Variants in RCAN2 observed in about 807,000 individuals in gnomAD.
The protein encoded by RCAN2 is calcipressin-2.
Under a neutral mutation model 23.6 loss-of-function variants are expected in RCAN2, and 9 were observed. The observed-to-expected ratio is 0.38, with a 90% CI of 0.23 to 0.67. The LOEUF is 0.67. Among genes scored for constraint, RCAN2 ranks in the 30% least tolerant of loss-of-function variants. The pLI is 0.51. For synonymous variants in RCAN2, 109 were observed against 115.7 expected, an observed-to-expected ratio of 0.94 and a Z score of 0.37; for missense variants, 273 against 302.3, an observed-to-expected ratio of 0.90 and a Z score of 0.72.
At chr6:46,253,453 G>A (rs1766800403) in intron 2 of RCAN2, among the ~76,000 whole-genome samples, 1 of 152,132 alleles carries the variant, frequency 6.6e-6, no homozygotes, top group Non-Finnish European at 1.5e-5. Context: ...AGTACCAAGG[G>A]CAGCTTAGGA....
chr6:46,403,285 T>C (rs1289157238), intron 2 of RCAN2, among the ~76,000 whole-genome samples: 1 of 151,120 alleles, frequency 6.6e-6, no homozygotes, highest in South Asian at 2.1e-4. Flanking sequence ...TTTTAAAAAA[T>C]TCTGTGGCTG....
intron 2 of RCAN2, among the ~76,000 whole-genome samples, chr6:46,347,548 C>G (rs9296491): frequency 6.6e-6 from 1 of 151,996 alleles, no homozygotes; most frequent in Non-Finnish European, 1.5e-5. Flanking sequence ...TAATCTTAAT[C>G]TCAACCAAAA....
chr6:46,250,772 A>G (rs1324327047), intron 2 of RCAN2, among the ~76,000 whole-genome samples: 1 of 152,206 alleles, frequency 6.6e-6, no homozygotes, highest in Non-Finnish European at 1.5e-5. Context: ...ATCTAAGAGA[A>G]TCAACATAGT....
chr6:46,319,048 G>A (rs1274191203), intron 2 of RCAN2, among the ~76,000 whole-genome samples: 6 of 152,112 alleles, frequency 3.9e-5, no homozygotes, highest in Non-Finnish European at 8.8e-5. Context: ...TTAGCATTGG[G>A]AAAGGATACA....
intron 2 of RCAN2, among the ~76,000 whole-genome samples, chr6:46,312,974 G>A (rs1242543398): frequency 6.6e-6 from 1 of 152,172 alleles, no homozygotes; most frequent in East Asian, 1.9e-4. Context: ...ACCCAATCCT[G>A]TTAGACTTGC....
At chr6:46,312,784 C>T (rs1054740391) in intron 2 of RCAN2, among the ~76,000 whole-genome samples, 3 of 152,344 alleles carry the variant, frequency 2.0e-5, no homozygotes, top group African/African-American at 4.8e-5. Context: ...AAGCCCTCAT[C>T]GGGTCTGGCT....
At chr6:46,232,357 G>T (rs908047134) in intron 4 of RCAN2, among the ~76,000 whole-genome samples, 2 of 152,216 alleles carry the variant, frequency 1.3e-5, no homozygotes, top group African/African-American at 2.4e-5. Context: ...TGCAGACATT[G>T]CTAAGGAGAG....
chr6:46,397,060 G>A (rs957048654), intron 2 of RCAN2, among the ~76,000 whole-genome samples: 10 of 149,814 alleles, frequency 6.7e-5, no homozygotes, highest in African/African-American at 2.0e-4. Context: ...GCAGTGCGCC[G>A]AGATCACACC....
At chr6:46,344,866 A>C (rs1440486307) in intron 2 of RCAN2, among the ~76,000 whole-genome samples, 1 of 152,096 alleles carries the variant, frequency 6.6e-6, no homozygotes, top group Non-Finnish European at 1.5e-5. Context: ...CAATCACATT[A>C]ATAATTATTT....
chr6:46,423,066 T>A (rs1766927178), intron 2 of RCAN2, among the ~76,000 whole-genome samples: 1 of 152,102 alleles, frequency 6.6e-6, no homozygotes, highest in Non-Finnish European at 1.5e-5. Flanking sequence ...GAGGTCCAGG[T>A]GTTTCATTTG....
In RCAN2 at chr6:46,392,815, G is replaced by T. The variant is rs185579791; in HGVS notation, c.225+63937C>A. 2.0e-5 allele frequency among the ~76,000 whole-genome samples: 3 copies of T among 152,252 alleles called. No homozygotes were observed. In the East Asian group the frequency reaches 5.8e-4, roughly 29 times the overall value. ...TCCTTGGCCATCTTTTAGGACAGTT[G>T]TAGAAAATTGATGAATTGGAGCTAG... is the stretch of plus-strand genomic sequence containing the variant. On this transcript the variant is annotated intron_variant, in intron 2 of 4. Transcript: ENST00000371374.
chr6:46,389,828 G>A (rs1294266759), intron 2 of RCAN2, among the ~76,000 whole-genome samples: 1 of 152,128 alleles, frequency 6.6e-6, no homozygotes, highest in East Asian at 1.9e-4. Flanking sequence ...AGTTCTGATG[G>A]AACAATGTTT....
chr6:46,441,688 A>G (rs1767549630), intron 2 of RCAN2, among the ~76,000 whole-genome samples: 1 of 151,304 alleles, frequency 6.6e-6, no homozygotes, highest in African/African-American at 2.5e-5. Context: ...GTTTAAAATA[A>G]TAGTCAGGCT....
At chr6:46,365,482 AG>A (rs1765143876) in intron 2 of RCAN2, among the ~76,000 whole-genome samples, 1 of 136,552 alleles carries the variant, frequency 7.3e-6, no homozygotes, top group African/African-American at 3.1e-5. Flanking sequence ...ATCTCAAAAA[AG>A]AAAAGAAAAG....
intron 2 of RCAN2, among the ~76,000 whole-genome samples, chr6:46,440,864 T>C (rs1450581987): frequency 1.3e-5 from 2 of 152,078 alleles, no homozygotes; most frequent in Non-Finnish European, 1.5e-5. Context: ...ACAAGAAGTG[T>C]CCTAAAACAA....
At chr6:46,424,892 G>A (rs778474431) in intron 2 of RCAN2, among the ~76,000 whole-genome samples, 21 of 152,114 alleles carry the variant, frequency 1.4e-4, no homozygotes, top group African/African-American at 2.4e-4. Flanking sequence ...TATTGGGGGC[G>A]TGCTAGATAC....
intron 2 of RCAN2, among the ~76,000 whole-genome samples, chr6:46,276,045 A>C (rs1313190553): frequency 6.6e-6 from 1 of 152,096 alleles, no homozygotes; most frequent in Non-Finnish European, 1.5e-5. Flanking sequence ...ATCTCTACTA[A>C]AACTACAAAA....
At chr6:46,414,413 T>C (rs1011562113) in intron 2 of RCAN2, among the ~76,000 whole-genome samples, 2 of 152,222 alleles carry the variant, frequency 1.3e-5, no homozygotes, top group Non-Finnish European at 2.9e-5. Context: ...TCTTAGAAGT[T>C]GGGTCATTTG....
chr6:46,488,800 C>G (rs1341370737), intron 1 of RCAN2, among the ~76,000 whole-genome samples: 1 of 152,186 alleles, frequency 6.6e-6, no homozygotes, highest in Non-Finnish European at 1.5e-5. Flanking sequence ...GATCCTCCCC[C>G]TGAAATGGCT....
Sources: allele counts gnomAD v4.1 joint callset (sites outside exome capture counted in the v4.1 genomes callset), GRCh38; gene constraint gnomAD v4.1.1; transcripts MANE v1.5; gene names NCBI Gene and HGNC (gene_info 2026-07-23, HGNC 2026-07-21).